CLEC4F: variants seen among roughly 807,000 people sequenced by gnomAD.
CLEC4F encodes C-type lectin domain family 4 member F.
A neutral mutation model predicts 53.4 loss-of-function variants in CLEC4F; 45 were observed. The ratio of observed to expected loss-of-function variants is 0.84; its 90% CI spans 0.66 to 1.08. The LOEUF is 1.08. Ranked by LOEUF, CLEC4F falls within the 50% of genes least tolerant of loss-of-function variation. The pLI is 0.00. For missense variants in CLEC4F, 753 were observed against 698.2 expected (o/e 1.08, Z -0.88); for synonymous variants, 245 against 257.5 (o/e 0.95, Z 0.46).
rs1263000463 is a variant in CLEC4F at position 70,816,103 on chromosome 2, C to T, written c.1278G>A (p.Gly426=). 1 of 1,614,078 alleles carries T rather than the reference C, an allele frequency of 6.2e-7. No homozygotes were observed. Among genetic ancestry groups the T allele is most frequent in the Non-Finnish European group, 8.5e-7 (1 of 1,180,044 alleles). Residue 426 remains glycine, a synonymous_variant, in exon 4 of 7, where the codon GGG becomes GGA. Transcript: ENST00000272367. ...KASAEIQRLR[G]DLENTKALTM... Reference sequence around the variant, plus strand: ...TTAGAGCTTTGGTGTTCTCTAGATCCCCTCTTAACCTCTGGATCTCGGCAC... The same window carrying T: ...TTAGAGCTTTGGTGTTCTCTAGATCTCCTCTTAACCTCTGGATCTCGGCAC...
chr2:70,820,350 A>ATGCCTTATGG, intron 1 of CLEC4F, 113 bp downstream of exon 1: 1 of 894,680 alleles, frequency 1.1e-6, no homozygotes. Flanking sequence ...ATCCCCAAGG[A>ATGCCTTATGG]CAAGGGTCTG....
Position 70,819,791 on chromosome 2 carries a change from C to T in CLEC4F, c.162G>A (p.Val54=). 1 of 1,598,552 alleles carries T rather than the reference C, an allele frequency of 6.3e-7. No homozygotes were observed. The highest frequency in any genetic ancestry group is 8.5e-7 in the Non-Finnish European group (1 of 1,173,382). ...FMAVTLVFSL[V]TLFVVVQQQT... is the part of the protein sequence containing the mutation. ...GGGGCTTACCCACTACAAAGAGAGT[C>T]ACAAGAGAGAAGACCAAGGTCACAG... The change falls in exon 2 of 7, where the codon GTG becomes GTA. Residue 54 remains valine, a synonymous_variant. Coordinates refer to ENST00000272367, the MANE Select transcript of CLEC4F (RefSeq NM_173535.3).
In CLEC4F at chr2:70,809,090, C is replaced by A. The variant is rs1553393385; in HGVS notation, c.*181G>T. ...TTCTTTTCCCAAAACCCGAAGACAA[C>A]AGGGCTTTATACTGTTAGATGAAGG... On this transcript the variant is annotated 3_prime_UTR_variant, in exon 7 of 7. Coordinates refer to ENST00000272367, the MANE Select transcript of CLEC4F (RefSeq NM_173535.3). 1.3e-6 allele frequency: 2 copies of A among 1,548,644 alleles called. No individual in the cohort carries two copies. The highest frequency in any genetic ancestry group is 1.7e-6 in the Non-Finnish European group (2 of 1,146,978).
Position 70,816,994 on chromosome 2 carries a change from G to A in CLEC4F, c.387C>T (p.Asp129=). The change falls in exon 4 of 7, where the codon GAC becomes GAT. Residue 129 remains aspartate, a synonymous_variant. Transcript: ENST00000272367. ...VEIQMLKCRV[D]NVNSQLQVLG... is the part of the protein sequence containing the mutation. Reference sequence around the variant, plus strand: ...GCACCTGGAGCTGCGAATTGACATTGTCCACTCTGCACTTCAACATCTGGA... The same window carrying A: ...GCACCTGGAGCTGCGAATTGACATTATCCACTCTGCACTTCAACATCTGGA... 1.2e-6 allele frequency: 2 copies of A among 1,614,168 alleles called. No individual in the cohort carries two copies. Among genetic ancestry groups the A allele is most frequent in the Non-Finnish European group, 1.7e-6 (2 of 1,180,046 alleles).
chr2:70,824,622 C>CAAAAAA (rs1180721472), upstream of CLEC4F, among the ~76,000 whole-genome samples: 8 of 38,766 alleles, frequency 2.1e-4, no homozygotes, highest in Non-Finnish European at 2.7e-4. Context: ...GCTTAGTTAC[C>CAAAAAA]AAAAAAAAAA....
At chr2:70,815,190 C>T (rs1676828557) in intron 4 of CLEC4F, among the ~76,000 whole-genome samples, 1 of 152,204 alleles carries the variant, frequency 6.6e-6, no homozygotes, top group Admixed American at 6.5e-5. Context: ...CCTGAAGTTT[C>T]CAGAATCTCA....
intron 4 of CLEC4F, among the ~76,000 whole-genome samples, chr2:70,815,707 T>C (rs1201301759): frequency 1.3e-5 from 2 of 152,164 alleles, no homozygotes; most frequent in East Asian, 1.9e-4. Context: ...AAGTCAGAAA[T>C]AAGGCTGTGT....
rs782068909 is a variant in CLEC4F, at chr2:70,816,030, C to T, written c.1351G>A (p.Val451Ile). The T allele has an allele frequency of 6.2e-7, 1 of 1,614,156 alleles. No homozygotes were observed. The highest frequency in any genetic ancestry group is 8.5e-7 in the Non-Finnish European group (1 of 1,180,006). The change falls in exon 4 of 7, where the codon GTC becomes ATC. Residue 451 changes from valine (V) to isoleucine (I), a missense_variant. Physicochemically the swap from Val to Ile is conservative, Grantham distance 29. Transcript: ENST00000272367. ...EQSRLKTLHV[V>I]ITSQEQLQRT... is the part of the protein sequence containing the mutation. ...TGTAGCTGTTCCTGTGAAGTAATGACCACATGGAGGGTCTTCAGGCGACTC... is the reference window on the plus strand; with the variant it reads ...TGTAGCTGTTCCTGTGAAGTAATGATCACATGGAGGGTCTTCAGGCGACTC...
rs782592563 is a variant in CLEC4F at position 70,819,842 on chromosome 2, G to A, written c.111C>T (p.Leu37=). ...CCATAAATGCCGGGGTAGCCTGAACGAGCCTCGGTATCTTGGGGGCTGCAG... is the reference window on the plus strand; with the variant it reads ...CCATAAATGCCGGGGTAGCCTGAACAAGCCTCGGTATCTTGGGGGCTGCAG... ...MAPAAPKIPR[L]VQATPAFMAV... The change falls in exon 2 of 7, where the codon CTC becomes CTT. Residue 37 remains leucine, a synonymous_variant. Transcript: ENST00000272367. The A allele has an allele frequency of 3.1e-5, 50 of 1,608,934 alleles. No individual in the cohort carries two copies. Among genetic ancestry groups the A allele is most frequent in the Middle Eastern group, 1.7e-4 (1 of 6,040 alleles).
chr2:70,811,629 T>C (rs1009555506), intron 5 of CLEC4F, among the ~76,000 whole-genome samples: 13 of 152,204 alleles, frequency 8.5e-5, no homozygotes, highest in African/African-American at 3.1e-4. Flanking sequence ...TCTTTGTTAG[T>C]AATCCTGGCA....
In CLEC4F at chr2:70,812,685, C is replaced by T. The variant is rs114525176; in HGVS notation, c.1388-87G>A. The T allele has an allele frequency of 4.1e-4, 558 of 1,362,938 alleles. 4 individuals carry two copies. The African/African-American group carries it at 7.5e-3, about 18-fold the overall frequency. 84.4% of individuals were successfully genotyped at this position (1,362,938 alleles called of 1,614,324 possible). ...CTTTTCTGACCTCTCTAGGGCCTGCCCACTGAGGTTCACAAGCCCATGAAA... is the reference window on the plus strand; with the variant it reads ...CTTTTCTGACCTCTCTAGGGCCTGCTCACTGAGGTTCACAAGCCCATGAAA... On this transcript the variant is annotated intron_variant, in intron 4 of 6. Transcript: ENST00000272367.
At chr2:70,809,684 G>T in intron 6 of CLEC4F, 55 bp downstream of exon 6, 2 of 1,307,282 alleles carry the variant, frequency 1.5e-6, no homozygotes, top group Admixed American at 1.7e-5. Context: ...ACAGTGTGTA[G>T]CTAGGTCCAC....
chr2:70,820,861 A>C (rs1677196872), upstream of CLEC4F, among the ~76,000 whole-genome samples: 1 of 152,146 alleles, frequency 6.6e-6, no homozygotes, highest in Non-Finnish European at 1.5e-5. Context: ...GCACCTAGGA[A>C]GGGGGTCTCA....
intron 3 of CLEC4F, 138 bp from the exon 4 acceptor site, chr2:70,817,250 C>T (rs1166499989): frequency 2.3e-6 from 2 of 879,022 alleles, no homozygotes; most frequent in Admixed American, 5.9e-5. Context: ...AAGCACCCTC[C>T]TGGTCACACA....
chr2:70,811,296 G>T, intron 5 of CLEC4F: 1 of 1,038,084 alleles, frequency 9.6e-7, no homozygotes, highest in Non-Finnish European at 1.5e-6. Flanking sequence ...GCCTTTAGGT[G>T]CTTCAAGAAT....
upstream of CLEC4F, among the ~76,000 whole-genome samples, chr2:70,822,247 G>A (rs1677244859): frequency 6.6e-6 from 1 of 152,226 alleles, no homozygotes; most frequent in South Asian, 2.1e-4. Context: ...ATCGGCTGGT[G>A]TCAGGAAAAA....
At position 70,816,463 on chromosome 2, in the gene CLEC4F, T is replaced by G. The variant is rs1553396004; in HGVS notation, c.918A>C (p.Ile306=). 1.9e-6 allele frequency: 3 copies of G among 1,614,064 alleles called. No individual in the cohort carries two copies. The highest frequency in any genetic ancestry group is 2.2e-5 in the East Asian group (1 of 44,884). ...NALNSQTQAF[I]KSSFDNTSAE... is the part of the protein sequence containing the mutation. ...CACTAGTGTTGTCAAAACTGCTTTT[T>G]ATAAAGGCCTGGGTCTGGGAGTTTA... is the stretch of plus-strand genomic sequence containing the variant. The change falls in exon 4 of 7, where the codon ATA becomes ATC. Residue 306 remains isoleucine, a synonymous_variant. Transcript: ENST00000272367.
At position 70,809,719 on chromosome 2, in the gene CLEC4F, C is replaced by T. The variant is rs1268866202; in HGVS notation, c.1658+20G>A. 1 of 1,585,546 alleles carries T rather than the reference C, an allele frequency of 6.3e-7. No homozygotes were observed. ...CCAAAGACAGTGCCTGGGACAGCGC[C>T]AGATGGTGGCTAGACTCACGCTTTG... On this transcript the variant is annotated intron_variant, in intron 6 of 6. Transcript: ENST00000272367.
intron 4 of CLEC4F, among the ~76,000 whole-genome samples, chr2:70,813,224 T>A (rs1217732047): frequency 1.3e-5 from 2 of 152,260 alleles, no homozygotes; most frequent in Non-Finnish European, 2.9e-5. Flanking sequence ...TTGTTCAACG[T>A]GCATTGTGCA....
Sources: gnomAD v4.1 joint callset for allele counts (sites outside exome capture counted in the v4.1 genomes callset) on GRCh38, gnomAD v4.1.1 for gene constraint, MANE v1.5 for transcripts, NCBI Gene and HGNC (gene_info 2026-07-23, HGNC 2026-07-21) for gene names.